ACTR3C: variants seen among roughly 807,000 people sequenced by gnomAD.
ACTR3C encodes actin related protein 3C, also known as actin-related protein 3C.
A neutral mutation model predicts 26.3 loss-of-function variants in ACTR3C; 18 were observed. The ratio of observed to expected loss-of-function variants is 0.68; its 90% CI spans 0.47 to 1.01. The LOEUF (loss-of-function observed/expected upper bound fraction) is 1.01. Among genes scored for constraint, ACTR3C ranks in the 50% least tolerant of loss-of-function variants. The pLI, the probability that ACTR3C is intolerant of heterozygous loss-of-function variation, is 0.00. For missense variants in ACTR3C, 184 were observed against 250.7 expected (o/e 0.73, Z 1.80); for synonymous variants, 55 against 94.5 (o/e 0.58, Z 2.42).
chr7:150,089,657 C>G, the ACTR3C span, among the ~76,000 whole-genome samples: 1 of 152,210 alleles, frequency 6.6e-6, no homozygotes, highest in Non-Finnish European at 1.5e-5. Context: ...GAGACCTACG[C>G]TAGGTGCTGC....
chr7:150,079,196 G>A, the ACTR3C span, among the ~76,000 whole-genome samples: 1 of 152,112 alleles, frequency 6.6e-6, no homozygotes, highest in South Asian at 2.1e-4. Context: ...AAAAAGCATG[G>A]CACAAAGGCC....
chr7:150,293,659 A>G (rs1836478395), intron 2 of ACTR3C, among the ~76,000 whole-genome samples: 1 of 152,172 alleles, frequency 6.6e-6, no homozygotes, highest in Non-Finnish European at 1.5e-5. Context: ...AACGTGGCTG[A>G]CTGTGGTGAC....
the ACTR3C span, among the ~76,000 whole-genome samples, chr7:149,916,403 CTTG>C: frequency 2.7e-5 from 4 of 149,096 alleles, no homozygotes; most frequent in South Asian, 2.1e-4. Context: ...TTTTTCCCAG[CTTG>C]TTGTTTACCT....
chr7:150,042,371 C>A, the ACTR3C span, among the ~76,000 whole-genome samples: 59 of 131,736 alleles, frequency 4.5e-4, 1 homozygote, highest in East Asian at 0.012. Context: ...CGATGGGGGT[C>A]CTAAGAGCAA....
chr7:150,169,802 C>T, the ACTR3C span, among the ~76,000 whole-genome samples: 2 of 150,834 alleles, frequency 1.3e-5, no homozygotes, highest in Non-Finnish European at 2.9e-5. Context: ...AGAACTTTTG[C>T]ATCATTGAGC....
At chr7:149,964,369 G>A in the ACTR3C span, among the ~76,000 whole-genome samples, 4 of 152,196 alleles carry the variant, frequency 2.6e-5, no homozygotes, top group East Asian at 3.8e-4. Flanking sequence ...GAGATCTTTC[G>A]AGACTACTGA....
At chr7:150,221,023 C>T in the ACTR3C span, among the ~76,000 whole-genome samples, 1 of 152,236 alleles carries the variant, frequency 6.6e-6, no homozygotes, top group Non-Finnish European at 1.5e-5. Context: ...ACTGCACAGG[C>T]GAAAGAGAGA....
At chr7:150,041,914 G>GC in the ACTR3C span, among the ~76,000 whole-genome samples, 10 of 149,764 alleles carry the variant, frequency 6.7e-5, no homozygotes, top group East Asian at 2.0e-4. Context: ...CAGAGCCAGG[G>GC]GGGGAAGAGG....
At chr7:150,260,373 T>A (rs889578286) in intron 6 of ACTR3C, among the ~76,000 whole-genome samples, 1 of 152,130 alleles carries the variant, frequency 6.6e-6, no homozygotes, top group African/African-American at 2.4e-5. Context: ...TCCCTAGAAA[T>A]TCGTAGAGTA....
chr7:150,034,199 T>C, the ACTR3C span, among the ~76,000 whole-genome samples: 1 of 151,476 alleles, frequency 6.6e-6, no homozygotes, highest in Non-Finnish European at 1.5e-5. Flanking sequence ...TTTGCTTCTT[T>C]TACTAGCAGG....
At chr7:150,072,060 T>C in the ACTR3C span, among the ~76,000 whole-genome samples, 1 of 144,816 alleles carries the variant, frequency 6.9e-6, no homozygotes, top group Admixed American at 6.8e-5. Context: ...ATCCTTTCTA[T>C]CAAGATGAGA....
chr7:150,216,807 C>A, the ACTR3C span, among the ~76,000 whole-genome samples: 1 of 151,176 alleles, frequency 6.6e-6, no homozygotes, highest in Non-Finnish European at 1.5e-5. Flanking sequence ...ACCAACATGG[C>A]AAACCCCATC....
At chr7:149,923,683 A>C in the ACTR3C span, among the ~76,000 whole-genome samples, 1 of 152,142 alleles carries the variant, frequency 6.6e-6, no homozygotes, top group African/African-American at 2.4e-5. Flanking sequence ...TCAGTCCATG[A>C]CAGACTAGGT....
the ACTR3C span, among the ~76,000 whole-genome samples, chr7:150,003,610 GGTGT>G: frequency 5.4e-4 from 82 of 151,392 alleles, no homozygotes; most frequent in Non-Finnish European, 4.4e-4. Flanking sequence ...TATGTTATCT[GGTGT>G]GTGTGTGTGT....
At chr7:150,041,663 A>G in the ACTR3C span, among the ~76,000 whole-genome samples, 2 of 116,364 alleles carry the variant, frequency 1.7e-5, no homozygotes, top group Non-Finnish European at 3.5e-5. Context: ...GAGGGTAGCA[A>G]CAGCCGGGGG....
the ACTR3C span, among the ~76,000 whole-genome samples, chr7:150,121,619 G>A: frequency 6.7e-6 from 1 of 149,656 alleles, no homozygotes; most frequent in Non-Finnish European, 1.5e-5. Context: ...CATAGTCATG[G>A]ATAAGAAGAA....
chr7:150,119,736 A>C, the ACTR3C span, among the ~76,000 whole-genome samples: 1 of 152,238 alleles, frequency 6.6e-6, no homozygotes, highest in Non-Finnish European at 1.5e-5. Flanking sequence ...AAGTGGACTT[A>C]ATAGGCATCT....
At chr7:150,233,873 T>C in the ACTR3C span, among the ~76,000 whole-genome samples, 1 of 152,194 alleles carries the variant, frequency 6.6e-6, no homozygotes, top group Non-Finnish European at 1.5e-5. Context: ...CTTGCTTTTT[T>C]TCATACCTTA....
chr7:150,103,207 G>A, the ACTR3C span, among the ~76,000 whole-genome samples: 1 of 151,914 alleles, frequency 6.6e-6, no homozygotes, highest in Non-Finnish European at 1.5e-5. Context: ...CTTACAGCAG[G>A]TGCTCAATAA....
Sources: gnomAD v4.1 joint callset for allele counts (sites outside exome capture counted in the v4.1 genomes callset) on GRCh38, gnomAD v4.1.1 for gene constraint, MANE v1.5 for transcripts, NCBI Gene and HGNC (gene_info 2026-07-23, HGNC 2026-07-21) for gene names.